RRM2: variants seen among roughly 807,000 people sequenced by gnomAD.
RRM2 encodes the protein ribonucleoside-diphosphate reductase subunit M2.
In RRM2, 6 loss-of-function variants were observed where a neutral mutation model predicts 45.9. That is an observed-to-expected ratio of 0.13 (90% CI 0.07 to 0.26). RRM2 has a LOEUF of 0.26. Among genes scored for constraint, RRM2 ranks in the 10% least tolerant of loss-of-function variants. The pLI is 1.00. For synonymous variants in RRM2, 177 were observed against 173.0 expected (o/e 1.02, Z -0.18); for missense variants, 343 against 489.5 (o/e 0.70, Z 2.82).
intron 3 of RRM2, among the ~76,000 whole-genome samples, chr2:10,206,594 G>C (rs1224390550): frequency 6.6e-6 from 1 of 152,196 alleles, no homozygotes; most frequent in Admixed American, 6.5e-5. Context: ...CGGAGTTCCA[G>C]AAGAAGATAA....
chr2:10,150,771 G>GTTTTTTTTTTT (rs61292654), intron 3 of RRM2, among the ~76,000 whole-genome samples: 12 of 92,846 alleles, frequency 1.3e-4, no homozygotes, highest in African/African-American at 3.2e-4. Flanking sequence ...AGTGTGTTGT[G>GTTTTTTTTTTT]TTTTTTTTTT....
At chr2:10,178,752 G>A (rs1663984704) in intron 3 of RRM2, among the ~76,000 whole-genome samples, 1 of 152,106 alleles carries the variant, frequency 6.6e-6, no homozygotes. Context: ...TTCATATGTT[G>A]GAATCTCACA....
chr2:10,205,459 C>T lies in RRM2; in HGVS notation n.483-4852C>T, dbSNP rs1407350218. Among the ~76,000 whole-genome samples, 2 of 152,176 alleles carry T rather than the reference C, an allele frequency of 1.3e-5. No homozygotes were observed. Among genetic ancestry groups the T allele is most frequent in the African/African-American group, 4.8e-5 (2 of 41,440 alleles). ...CATACAGGATGAATGATTCTCTTCT[C>T]CATTCCCTCTGCTGCTCGTGGACAC... On this transcript the variant is annotated intron_variant and non_coding_transcript_variant, in intron 3 of 3. Transcript: ENST00000381786. This position sits in a 1 kb window ranked among gnomAD's most constrained non-coding sequence, Gnocchi z 4.8.
exon 4 of RRM2, chr2:10,210,770 CCTAA>C: frequency 2.3e-6 from 1 of 430,452 alleles, no homozygotes; most frequent in Non-Finnish European, 4.1e-6. Flanking sequence ...ATGTTGAACC[CCTAA>C]CTCCCAATGT....
rs1431646025 is a variant in RRM2 at position 10,171,283 on chromosome 2, A to G, written n.482+28908A>G. ...AGGAGGATTAAATGAGATAAGACAAACACAGAGCAACTCCTTGCTAACAGC... is the reference window on the plus strand; with the variant it reads ...AGGAGGATTAAATGAGATAAGACAAGCACAGAGCAACTCCTTGCTAACAGC... On this transcript the variant is annotated intron_variant and non_coding_transcript_variant, in intron 3 of 3. Transcript: ENST00000381786. This position sits in a 1 kb window ranked among gnomAD's most constrained non-coding sequence, Gnocchi z 4.1. 1.3e-5 allele frequency among the ~76,000 whole-genome samples: 2 copies of G among 152,208 alleles called. No individual in the cohort carries two copies. The highest frequency in any genetic ancestry group is 6.5e-5 in the Admixed American group (1 of 15,282).
rs147179129 is a variant in RRM2 at position 10,164,089 on chromosome 2, AGT to A, written n.482+21726_482+21727del. 5.9e-3 allele frequency among the ~76,000 whole-genome samples: 896 copies of A among 151,450 alleles called. 9 individuals carry two copies. Among genetic ancestry groups the A allele is most frequent in the African/African-American group, 0.02 (846 of 41,324 alleles). ...GAACGTGTGTGTGAGTGTGCATATG[AGT>A]GTGTGTGTGTGGCTGTGTTGGATAG... On this transcript the variant is annotated intron_variant and non_coding_transcript_variant, in intron 3 of 3. Transcript: ENST00000381786.
At chr2:10,200,433 G>C (rs965042254) in intron 3 of RRM2, among the ~76,000 whole-genome samples, 1 of 137,898 alleles carries the variant, frequency 7.3e-6, no homozygotes, top group East Asian at 2.3e-4. Context: ...CAGGGACCGC[G>C]CGCGCAAAAT....
chr2:10,175,818 C>G (rs1176479578), intron 3 of RRM2, among the ~76,000 whole-genome samples: 1 of 151,966 alleles, frequency 6.6e-6, no homozygotes, highest in Non-Finnish European at 1.5e-5. Context: ...GTTGACCAGG[C>G]TGGTCTCAAA....
chr2:10,202,688 G>A (rs950728933), intron 3 of RRM2, among the ~76,000 whole-genome samples: 3 of 152,166 alleles, frequency 2.0e-5, no homozygotes, highest in African/African-American at 4.8e-5. Flanking sequence ...CTGGTTGGAG[G>A]TGTCATTTGT....
At chr2:10,177,106 C>T (rs956967831) in intron 3 of RRM2, among the ~76,000 whole-genome samples, 3 of 152,012 alleles carry the variant, frequency 2.0e-5, no homozygotes, top group South Asian at 2.1e-4. Flanking sequence ...ATTAGCTGGG[C>T]GTGATGGTGG....
chr2:10,141,772 C>A, intron 1 of RRM2: 1 of 1,379,990 alleles, frequency 7.2e-7, no homozygotes. Context: ...AGGAGGTGGC[C>A]ATGGCCTGGG....
intron 3 of RRM2, among the ~76,000 whole-genome samples, chr2:10,183,052 AC>A (rs929714078): frequency 6.6e-6 from 1 of 151,994 alleles, no homozygotes; most frequent in African/African-American, 2.4e-5. Context: ...GGTGGCGCGT[AC>A]CCAGCTACTT....
upstream of RRM2, among the ~76,000 whole-genome samples, chr2:10,140,121 C>T (rs1157527166): frequency 2.6e-5 from 4 of 152,190 alleles, 1 homozygote; most frequent in Middle Eastern, 6.8e-3. Flanking sequence ...GTGGCGGGCA[C>T]CTGTAGTCCC....
At chr2:10,143,546 C>G (rs1349848219) in intron 3 of RRM2, among the ~76,000 whole-genome samples, 1 of 152,204 alleles carries the variant, frequency 6.6e-6, no homozygotes. Context: ...GTGAGTGACC[C>G]GCAGGGGAAG....
intron 3 of RRM2, among the ~76,000 whole-genome samples, chr2:10,143,822 C>T (rs572744059): frequency 6.6e-5 from 10 of 152,314 alleles, no homozygotes; most frequent in South Asian, 2.1e-4. Flanking sequence ...TGTGCACCAC[C>T]GTGTCCAGCT....
chr2:10,207,326 T>C (rs1664681850), intron 3 of RRM2, among the ~76,000 whole-genome samples: 1 of 152,194 alleles, frequency 6.6e-6, no homozygotes, highest in Non-Finnish European at 1.5e-5. Flanking sequence ...CCACCTGCAA[T>C]TGGCCTTCCA....
chr2:10,196,477 C>T (rs1664416297), intron 3 of RRM2, among the ~76,000 whole-genome samples: 1 of 152,164 alleles, frequency 6.6e-6, no homozygotes, highest in African/African-American at 2.4e-5. Flanking sequence ...CTGGCAGTGC[C>T]TGGGAGTGGA....
chr2:10,162,513 G>A (rs550450711), intron 3 of RRM2, among the ~76,000 whole-genome samples: 22 of 152,078 alleles, frequency 1.4e-4, no homozygotes, highest in East Asian at 3.9e-4. Context: ...AAAAAGTGCC[G>A]GCCACACTCT....
chr2:10,151,024 A>G (rs1337787555), intron 3 of RRM2, among the ~76,000 whole-genome samples: 1 of 152,130 alleles, frequency 6.6e-6, no homozygotes, highest in Non-Finnish European at 1.5e-5. Context: ...CATGTTGGCC[A>G]GGCTGGTCTC....
Sources: allele counts gnomAD v4.1 joint callset (sites outside exome capture counted in the v4.1 genomes callset), GRCh38; gene constraint gnomAD v4.1.1; non-coding constraint Gnocchi (gnomAD v3.1); transcripts MANE v1.5; gene names NCBI Gene and HGNC (gene_info 2026-07-23, HGNC 2026-07-21).